The following ROCK2 variants were observed in gnomAD, a reference collection of about 807,000 sequenced individuals.
ROCK2 encodes rho-associated protein kinase 2.
A neutral mutation model predicts 195.1 loss-of-function variants in ROCK2; 61 were observed. The observed-to-expected ratio is 0.31, with a 90% confidence interval of 0.25 to 0.39. The LOEUF (loss-of-function observed/expected upper bound fraction) is 0.39, where lower values mean the gene tolerates loss of function less well. Ranked by LOEUF, ROCK2 falls within the 10% of genes least tolerant of loss-of-function variation. The pLI is 1.00. For missense variants in ROCK2, 1,109 were observed against 1,637.4 expected (o/e 0.68, Z 5.57); for synonymous variants, 504 against 545.5 (o/e 0.92, Z 1.06).
chr2:11,284,617 A>G (rs1667123330), intron 3 of ROCK2, among the ~76,000 whole-genome samples: 1 of 152,194 alleles, frequency 6.6e-6, no homozygotes, highest in South Asian at 2.1e-4. Flanking sequence ...AATAAATAAA[A>G]TATTACAGGT....
intron 1 of ROCK2, among the ~76,000 whole-genome samples, chr2:11,311,945 T>C (rs939162749): frequency 1.3e-5 from 2 of 152,210 alleles, no homozygotes; most frequent in African/African-American, 4.8e-5. Flanking sequence ...ACTACAAATA[T>C]GTACAATGAT....
intron 12 of ROCK2, 66 bp from the exon 13 acceptor site, chr2:11,216,272 T>C: frequency 8.7e-7 from 1 of 1,147,036 alleles, no homozygotes; most frequent in South Asian, 1.3e-5. Context: ...TCTATAAATT[T>C]AAAAGTAATT....
At chr2:11,231,837 T>C (rs1395112435) in intron 5 of ROCK2, among the ~76,000 whole-genome samples, 1 of 152,202 alleles carries the variant, frequency 6.6e-6, no homozygotes, top group Non-Finnish European at 1.5e-5. Flanking sequence ...ATAGTTGTAT[T>C]TTATTTTTGC....
At chr2:11,217,289 G>A (rs773557606) in intron 11 of ROCK2, 120 bp from the exon 12 acceptor site, 4 of 739,600 alleles carry the variant, frequency 5.4e-6, no homozygotes, top group East Asian at 2.6e-5. Context: ...CTCTATAATG[G>A]TACAGTATTT....
Position 11,332,243 on chromosome 2 carries a change from T to TA in ROCK2, c.141+11752dup, listed in dbSNP as rs1294184568. ...AACAAAAAGTATCATAACAAGGTTT[T>TA]AAAAAAATGCTTAGTATTAACTAGG... On this transcript the variant is annotated intron_variant, in intron 1 of 32. Coordinates refer to ENST00000315872, the MANE Select transcript of ROCK2 (RefSeq NM_004850.5). Among the ~76,000 whole-genome samples the TA allele has an allele frequency of 3.3e-5, 5 of 152,216 alleles. No homozygotes were observed. In the East Asian group the frequency reaches 9.6e-4, roughly 29 times the overall value.
intron 3 of ROCK2, among the ~76,000 whole-genome samples, chr2:11,274,389 C>A (rs1173647341): frequency 6.6e-6 from 1 of 151,886 alleles, no homozygotes; most frequent in Non-Finnish European, 1.5e-5. Context: ...ATTAAAAAAA[C>A]AGAGAATGCT....
chr2:11,300,062 T>G (rs1226055517), intron 1 of ROCK2, among the ~76,000 whole-genome samples: 1 of 152,166 alleles, frequency 6.6e-6, no homozygotes, highest in African/African-American at 2.4e-5. Flanking sequence ...AGCCTATAAA[T>G]CCTTATTTGT....
chr2:11,251,060 C>G (rs1343150343), intron 3 of ROCK2, among the ~76,000 whole-genome samples: 8 of 152,168 alleles, frequency 5.3e-5, no homozygotes, highest in Admixed American at 5.2e-4. Flanking sequence ...AAACTTTCAG[C>G]TCACTATTCC....
intron 8 of ROCK2, 74 bp from the exon 9 acceptor site, chr2:11,221,431 A>T: frequency 2.0e-6 from 2 of 1,004,382 alleles, no homozygotes; most frequent in Non-Finnish European, 1.4e-6. Context: ...ATTATGATGT[A>T]TTATTTATTA....
intron 1 of ROCK2, among the ~76,000 whole-genome samples, chr2:11,314,321 CTGT>C: frequency 1.7e-5 from 1 of 58,222 alleles, no homozygotes; most frequent in South Asian, 8.3e-4. Flanking sequence ...CGTCCTTTGT[CTGT>C]ATGTTCTTTA....
rs1423224895 is a variant in ROCK2 at position 11,324,100 on chromosome 2, A to G, written c.141+19896T>C. Among the ~76,000 whole-genome samples the G allele has an allele frequency of 2.0e-5, 3 of 152,188 alleles. No homozygotes were observed. The East Asian group carries it at 5.8e-4, about 29-fold the overall frequency. On this transcript the variant is annotated intron_variant, in intron 1 of 32. Coordinates refer to ENST00000315872, the MANE Select transcript of ROCK2 (RefSeq NM_004850.5). ...AGCTGGAATCACACTCTTACCATAC[A>G]GTCCAGCAATTGCACTCCTTGGTAT...
Position 11,197,205 on chromosome 2 carries a change from A to C in ROCK2, c.3423T>G (p.Asp1141Glu). 6.2e-7 allele frequency: 1 copy of C among 1,606,590 alleles called. No homozygotes were observed. Among genetic ancestry groups the C allele is most frequent in the Non-Finnish European group, 8.5e-7 (1 of 1,177,774 alleles). Residue 1141 changes from aspartate to glutamate, a missense_variant, in exon 27 of 33, where the codon GAT becomes GAG. Asp to Glu is a conservative substitution (Grantham distance 45, BLOSUM62 2). Around this residue, in one of 6 missense-constraint regions of ROCK2, gnomAD observed 221 missense variants for 355.1 expected, o/e 0.62. Transcript: ENST00000315872. This position sits in a 1 kb window ranked among gnomAD's most constrained non-coding sequence, Gnocchi z 4.9. ...CTGGAAACCCATCATCTGCCTCAGC[A>C]TCCCCTGGTCCACTGCCTATACTGG... ...DSSSIGSGPG[D>E]AEADDGFPES...
At chr2:11,303,382 C>T (rs1351331302) in intron 1 of ROCK2, among the ~76,000 whole-genome samples, 1 of 152,184 alleles carries the variant, frequency 6.6e-6, no homozygotes, top group Non-Finnish European at 1.5e-5. Context: ...ATCACCAAAT[C>T]TATCCACGTT....
At chr2:11,183,490 G>C in intron 32 of ROCK2, 50 bp from the exon 33 acceptor site, 1 of 1,375,858 alleles carries the variant, frequency 7.3e-7, no homozygotes, top group Non-Finnish European at 1.0e-6. Context: ...AATAATTTAA[G>C]AGTGTTAAAT....
At chr2:11,261,291 C>T (rs1051397777) in intron 3 of ROCK2, among the ~76,000 whole-genome samples, 3 of 152,204 alleles carry the variant, frequency 2.0e-5, no homozygotes, top group African/African-American at 4.8e-5. Context: ...AATTCGTTAG[C>T]AGTCATGTTA....
intron 1 of ROCK2, among the ~76,000 whole-genome samples, chr2:11,325,140 T>A (rs986572193): frequency 1.3e-5 from 2 of 152,256 alleles, no homozygotes; most frequent in Non-Finnish European, 2.9e-5. Flanking sequence ...GGGTTTGAAC[T>A]GCACAAGTCT....
At chr2:11,281,406 A>G (rs913871086) in intron 3 of ROCK2, among the ~76,000 whole-genome samples, 1 of 152,182 alleles carries the variant, frequency 6.6e-6, no homozygotes, top group Non-Finnish European at 1.5e-5. Context: ...AGGTAATGCA[A>G]TAACACAGGA....
chr2:11,219,966 C>T (rs923886845), intron 9 of ROCK2, among the ~76,000 whole-genome samples: 4 of 151,898 alleles, frequency 2.6e-5, no homozygotes, highest in Non-Finnish European at 5.9e-5. Context: ...TTCATCTCAG[C>T]CTCTGAGTAC....
chr2:11,248,283 T>C (rs143914181), intron 4 of ROCK2, among the ~76,000 whole-genome samples: 79 of 152,156 alleles, frequency 5.2e-4, no homozygotes, highest in African/African-American at 1.8e-3. Flanking sequence ...CCAGATCATT[T>C]AAGCATTCTG....
Sources: allele counts gnomAD v4.1 joint callset (sites outside exome capture counted in the v4.1 genomes callset), GRCh38; gene constraint gnomAD v4.1.1; regional missense constraint gnomAD v4.1.1; non-coding constraint Gnocchi (gnomAD v3.1); transcripts MANE v1.5; gene names NCBI Gene and HGNC (gene_info 2026-07-23, HGNC 2026-07-21).